The following PPP4R3A variants were observed in gnomAD, a reference collection of about 807,000 sequenced individuals.
PPP4R3A encodes protein phosphatase 4 regulatory subunit 3A, also known as serine/threonine-protein phosphatase 4 regulatory subunit 3A.
In PPP4R3A, 15 loss-of-function variants were observed where a neutral mutation model predicts 91.7. That is an observed-to-expected ratio of 0.16 (90% CI 0.11 to 0.25). The LOEUF is 0.25. Among genes scored for constraint, PPP4R3A ranks in the 10% least tolerant of loss-of-function variants. The probability of loss-of-function intolerance (pLI) is 1.00; values close to 1 mark genes in which losing one functional copy is unlikely to be tolerated. For missense variants in PPP4R3A, 623 were observed against 998.4 expected (o/e 0.62, Z 5.07); for synonymous variants, 377 against 348.7 (o/e 1.08, Z -0.91).
rs1595099920 is a variant in PPP4R3A at position 91,509,659 on chromosome 14, G to A, written c.-12C>T. 6.3e-7 allele frequency: 1 copy of A among 1,591,176 alleles called. No homozygotes were observed. On this transcript the variant is annotated 5_prime_UTR_variant, in exon 1 of 15. Transcript: ENST00000554943. The stretch of plus-strand genomic sequence containing the variant: ...CGGGTGTCGGTCATCGTGCCGCCCG[G>A]GAACCGGGGCGGGGGCCCCGCCAGT...
chr14:91,462,939 TAATTTAATC>T (rs1888248707), intron 11 of PPP4R3A, 62 bp from the exon 12 acceptor site: 4 of 378,644 alleles, frequency 1.1e-5, no homozygotes, highest in East Asian at 1.9e-4. Context: ...AGATGAGGCT[TAATTTAATC>T]AATTCATACC....
chr14:91,484,002 G>C (rs1418751195), intron 3 of PPP4R3A, among the ~76,000 whole-genome samples: 1 of 152,154 alleles, frequency 6.6e-6, no homozygotes, highest in Non-Finnish European at 1.5e-5. Context: ...TGAGAGAGGA[G>C]AACAAGATTT....
chr14:91,466,182 A>G (rs1176012893), intron 10 of PPP4R3A: 1 of 971,442 alleles, frequency 1.0e-6, no homozygotes, highest in Non-Finnish European at 1.2e-6. Context: ...AGACTTCAAC[A>G]AAGCCCTCTT....
chr14:91,480,055 G>C (rs571993367), intron 4 of PPP4R3A, among the ~76,000 whole-genome samples: 3 of 152,252 alleles, frequency 2.0e-5, no homozygotes, highest in African/African-American at 7.2e-5. Context: ...CAGAGACTTT[G>C]ACTCAGGTTT....
intron 2 of PPP4R3A, 37 bp from the exon 3 acceptor site, chr14:91,485,767 A>G: frequency 7.2e-7 from 1 of 1,397,050 alleles, no homozygotes; most frequent in Non-Finnish European, 9.8e-7. Context: ...TGATTAACAT[A>G]CACTATCACA....
intron 7 of PPP4R3A, among the ~76,000 whole-genome samples, chr14:91,473,746 C>A (rs548192504): frequency 3.5e-3 from 532 of 152,226 alleles, no homozygotes; most frequent in Non-Finnish European, 5.9e-3. Context: ...GGATTTAGAA[C>A]ATCATAATAC....
rs1567142023 is a variant in PPP4R3A, at chr14:91,458,719, G to T, written c.*40C>A. ...TGTATGGGGGAGGGGTGGAGAACCAGTTTTTTTCAACAGGTACTGATCCTA... is the reference window on the plus strand; with the variant it reads ...TGTATGGGGGAGGGGTGGAGAACCATTTTTTTTCAACAGGTACTGATCCTA... On this transcript the variant is annotated 3_prime_UTR_variant, in exon 15 of 15. Coordinates refer to ENST00000554943, the MANE Select transcript of PPP4R3A (RefSeq NM_001366432.2). 6.2e-7 allele frequency: 1 copy of T among 1,613,538 alleles called. No homozygotes were observed. Among genetic ancestry groups the T allele is most frequent in the South Asian group, 1.1e-5 (1 of 91,060 alleles).
At chr14:91,490,444 C>T (rs1423907041) in intron 2 of PPP4R3A, among the ~76,000 whole-genome samples, 1 of 152,032 alleles carries the variant, frequency 6.6e-6, no homozygotes, top group African/African-American at 2.4e-5. Context: ...CACCATTTAA[C>T]TGTGTTTGTA....
chr14:91,506,906 A>G (rs1342430897), intron 1 of PPP4R3A, among the ~76,000 whole-genome samples: 2 of 152,208 alleles, frequency 1.3e-5, no homozygotes, highest in African/African-American at 4.8e-5. Flanking sequence ...AGGGCACATC[A>G]GTAATTTAGT....
intron 1 of PPP4R3A, 72 bp downstream of exon 1, chr14:91,509,434 C>A: frequency 4.6e-6 from 7 of 1,528,972 alleles, no homozygotes; most frequent in Non-Finnish European, 6.1e-6. Context: ...AGCGCCATGC[C>A]CCGCAAGAAC....
chr14:91,498,271 G>GT (rs2140151920), intron 1 of PPP4R3A, among the ~76,000 whole-genome samples: 1 of 151,746 alleles, frequency 6.6e-6, no homozygotes, highest in African/African-American at 2.4e-5. Context: ...GGAGGCAGAG[G>GT]TTGCAGTAAG....
intron 4 of PPP4R3A, among the ~76,000 whole-genome samples, chr14:91,477,806 A>G (rs899799950): frequency 1.3e-5 from 2 of 151,942 alleles, no homozygotes; most frequent in Non-Finnish European, 2.9e-5. Flanking sequence ...ACACCACTAC[A>G]CCCAGCTAAT....
chr14:91,465,185 G>A (rs960162448), intron 11 of PPP4R3A, 65 bp downstream of exon 11: 16 of 1,238,970 alleles, frequency 1.3e-5, no homozygotes, highest in Non-Finnish European at 1.7e-5. Flanking sequence ...AAAATACTAG[G>A]TAATGCATAT....
intron 1 of PPP4R3A, among the ~76,000 whole-genome samples, chr14:91,494,124 C>T (rs565294555): frequency 3.9e-5 from 6 of 152,140 alleles, no homozygotes; most frequent in African/African-American, 1.4e-4. Context: ...AAATACAACT[C>T]ATATTCTCAG....
chr14:91,466,940 A>AACTAACACACACACACAC (rs1555434430), intron 10 of PPP4R3A, among the ~76,000 whole-genome samples: 2 of 147,472 alleles, frequency 1.4e-5, no homozygotes, highest in South Asian at 2.2e-4. Flanking sequence ...GTCCTACCAT[A>AACTAACACACACACACAC]ACACACACAC....
chr14:91,462,692 G>T lies in PPP4R3A; in HGVS notation c.1973+43C>A. The T allele has an allele frequency of 1.9e-6, 3 of 1,607,622 alleles. No individual in the cohort carries two copies. In the South Asian group the frequency reaches 3.3e-5, roughly 18 times the overall value. On this transcript the variant is annotated intron_variant, in intron 12 of 14. Coordinates refer to ENST00000554943, the MANE Select transcript of PPP4R3A (RefSeq NM_001366432.2). ...ATAAACAATAAAGCCACTACCATAC[G>T]ACTTGATGCTGAACGAATAGGTTTA... is the stretch of plus-strand genomic sequence containing the variant.
At chr14:91,466,872 G>C (rs937192496) in intron 10 of PPP4R3A, among the ~76,000 whole-genome samples, 26 of 151,594 alleles carry the variant, frequency 1.7e-4, no homozygotes, top group Non-Finnish European at 3.4e-4. Flanking sequence ...AATTAAGGCA[G>C]GAGTATTACT....
Position 91,475,939 on chromosome 14 carries a change from C to G in PPP4R3A, c.1138G>C (p.Ala380Pro). 6.2e-7 allele frequency: 1 copy of G among 1,601,106 alleles called. No individual in the cohort carries two copies. Among genetic ancestry groups the G allele is most frequent in the Non-Finnish European group, 8.5e-7 (1 of 1,176,518 alleles). Residue 380 changes from alanine (A) to proline (P), a missense_variant, in exon 7 of 15, where the codon GCT (alanine) becomes CCT (proline). Ala to Pro is a conservative substitution (Grantham distance 27). This residue lies in a region of PPP4R3A where 264 missense variants were observed against 377.3 expected (regional missense o/e 0.70). Coordinates refer to ENST00000554943, the MANE Select transcript of PPP4R3A (RefSeq NM_001366432.2). ...LGMDDTQVRS[A>P]ATDIFSYLVE... ...AAGTATGAGAATATATCAGTAGCAGCACTTCGCACCTGTGTATCATCCATG... is the reference window on the plus strand; with the variant it reads ...AAGTATGAGAATATATCAGTAGCAGGACTTCGCACCTGTGTATCATCCATG...
chr14:91,482,722 T>C (rs1889645789), intron 3 of PPP4R3A, among the ~76,000 whole-genome samples: 1 of 151,904 alleles, frequency 6.6e-6, no homozygotes, highest in Non-Finnish European at 1.5e-5. Context: ...AAAAGGAAAA[T>C]ATTTAACATC....
Sources: gnomAD v4.1 joint callset for allele counts (sites outside exome capture counted in the v4.1 genomes callset) on GRCh38, gnomAD v4.1.1 for gene constraint, gnomAD v4.1.1 regional missense constraint, MANE v1.5 for transcripts, NCBI Gene and HGNC (gene_info 2026-07-23, HGNC 2026-07-21) for gene names.